Variants in GPD2 observed in about 807,000 individuals in gnomAD.
GPD2 encodes the protein glycerol-3-phosphate dehydrogenase 2, also known as glycerol-3-phosphate dehydrogenase, mitochondrial.
In GPD2, 54 loss-of-function variants were observed where a neutral mutation model predicts 82.4. The ratio of observed to expected loss-of-function variants is 0.66; its 90% CI spans 0.53 to 0.82. The LOEUF is 0.82. Ranked by LOEUF, GPD2 falls within the 40% of genes least tolerant of loss-of-function variation. The pLI, the probability that GPD2 is intolerant of heterozygous loss-of-function variation, is 0.00. For synonymous variants in GPD2, 288 were observed against 306.1 expected (o/e 0.94, Z 0.62); for missense variants, 748 against 896.2 (o/e 0.83, Z 2.11).
intron 9 of GPD2, 81 bp downstream of exon 9, chr2:156,557,663 G>A: frequency 1.2e-6 from 1 of 824,710 alleles, no homozygotes; most frequent in South Asian, 1.4e-5. Context: ...TAAATGCTAT[G>A]TCTCCAGTCT....
At position 156,570,152 on chromosome 2, in the gene GPD2, G is replaced by A. The variant is rs370358716; in HGVS notation, c.1542G>A (p.Val514=). 130 of 1,612,550 alleles carry A rather than the reference G, an allele frequency of 8.1e-5. No homozygotes were observed. Among genetic ancestry groups the A allele is most frequent in the Non-Finnish European group, 1.1e-4 (124 of 1,179,170 alleles). The change falls in exon 12 of 17, where the codon GTG becomes GTA. Residue 514 remains valine, a synonymous_variant. Coordinates refer to ENST00000438166, the MANE Select transcript of GPD2 (RefSeq NM_000408.5). ...KAFEVAKMAS[V]TGKRWPIVGV... is the part of the protein sequence containing the mutation. ...TTGAGGTGGCCAAAATGGCAAGTGT[G>A]ACTGGCAAAAGGTGGCCTATTGTTG...
chr2:156,542,521 C>T lies in GPD2; in HGVS notation c.662-7087C>T, dbSNP rs143008083. Among the ~76,000 whole-genome samples, 199 of 152,192 alleles carry T rather than the reference C, an allele frequency of 1.3e-3. 4 individuals carry two copies. In the East Asian group the frequency reaches 0.033, roughly 25 times the overall value. On this transcript the variant is annotated intron_variant, in intron 6 of 16. Transcript: ENST00000438166. ...TTTTCTGCCAAAATGTACATCAACC[C>T]AGGAAGATTTTTAAACTTAGCCCCT... is the stretch of plus-strand genomic sequence containing the variant.
chr2:156,429,990 C>T, the GPD2 span, among the ~76,000 whole-genome samples: 1 of 152,148 alleles, frequency 6.6e-6, no homozygotes, highest in Non-Finnish European at 1.5e-5. Context: ...TTTTGGTTAA[C>T]TTCTTAGTGT....
intron 6 of GPD2, among the ~76,000 whole-genome samples, chr2:156,543,056 C>T (rs746253614): frequency 2.0e-5 from 3 of 152,124 alleles, no homozygotes; most frequent in African/African-American, 7.2e-5. Flanking sequence ...TGCCACTTAC[C>T]GTCTTAATCA....
In GPD2 at chr2:156,557,460, A is replaced by T. The variant is rs1687003899; in HGVS notation, c.1043A>T (p.Lys348Met). The change falls in exon 9 of 17, where the codon AAG (lysine) becomes ATG (methionine). Residue 348 changes from lysine (K) to methionine (M), a missense_variant. Physicochemically the swap from Lys to Met is moderately conservative, Grantham distance 95. Around this residue, in one of 3 missense-constraint regions of GPD2, gnomAD observed 692 missense variants for 809.7 expected, o/e 0.85. Coordinates refer to ENST00000438166, the MANE Select transcript of GPD2 (RefSeq NM_000408.5). Reference protein sequence around the residue: ...GRVIFFLPWQKMTIAGTTDTP... With the variant: ...GRVIFFLPWQMMTIAGTTDTP... ...GTTATTTTCTTCTTACCCTGGCAAA[A>T]GATGACGATCGCTGGCACTACTGAT... 5 of 1,609,476 alleles carry T rather than the reference A, an allele frequency of 3.1e-6. No individual in the cohort carries two copies. The highest frequency in any genetic ancestry group is 3.4e-6 in the Non-Finnish European group (4 of 1,175,770).
chr2:156,450,929 A>T (rs1405160861), intron 1 of GPD2, among the ~76,000 whole-genome samples: 2 of 131,964 alleles, frequency 1.5e-5, no homozygotes, highest in Non-Finnish European at 3.2e-5. Flanking sequence ...CCCTTAATCC[A>T]TTTAACCCTG....
At chr2:156,405,947 T>A in the GPD2 span, among the ~76,000 whole-genome samples, 1 of 152,106 alleles carries the variant, frequency 6.6e-6, no homozygotes, top group African/African-American at 2.4e-5. Context: ...TGGTGTTAGC[T>A]CATCATAGAA....
At chr2:156,559,733 C>A (rs1687099795) in intron 9 of GPD2, among the ~76,000 whole-genome samples, 1 of 152,114 alleles carries the variant, frequency 6.6e-6, no homozygotes, top group Non-Finnish European at 1.5e-5. Flanking sequence ...AAATACATAT[C>A]ATTGAAATCC....
intron 3 of GPD2, among the ~76,000 whole-genome samples, chr2:156,506,933 C>T (rs1355160622): frequency 6.6e-6 from 1 of 152,164 alleles, no homozygotes; most frequent in Non-Finnish European, 1.5e-5. Context: ...AACAAGCACA[C>T]CCTGGTTCCC....
In GPD2 at chr2:156,568,963, T is replaced by C. The variant is rs552000723; in HGVS notation, c.1300+4T>C. 10 of 1,604,736 alleles carry C rather than the reference T, an allele frequency of 6.2e-6. No individual in the cohort carries two copies. The highest frequency in any genetic ancestry group is 1.7e-4 in the Middle Eastern group (1 of 6,024). ...AGTGGCCTTATTACTATAGCAGGTA[T>C]GAGATACTACCTTGTTATTTTCTTT... On this transcript the variant is annotated splice_donor_region_variant and intron_variant, in intron 10 of 16. Coordinates refer to ENST00000438166, the MANE Select transcript of GPD2 (RefSeq NM_000408.5).
rs977468607 is a variant in GPD2 at position 156,448,104 on chromosome 2, T to A, written c.-9+11591T>A. Among the ~76,000 whole-genome samples the A allele has an allele frequency of 2.0e-5, 3 of 150,352 alleles. No individual in the cohort carries two copies. In the Admixed American group the frequency reaches 2.0e-4, roughly 10 times the overall value. On this transcript the variant is annotated intron_variant, in intron 1 of 16. Coordinates refer to ENST00000438166, the MANE Select transcript of GPD2 (RefSeq NM_000408.5). ...TTAGGTCTATCAATCACCTAATATG[T>A]GTCAGCAATTTTCCCTTTTTTTTTT... is the stretch of plus-strand genomic sequence containing the variant.
chr2:156,523,695 TAGA>T (rs1192384993), intron 6 of GPD2, among the ~76,000 whole-genome samples: 1 of 152,020 alleles, frequency 6.6e-6, no homozygotes, highest in Non-Finnish European at 1.5e-5. Flanking sequence ...GATAGATAGA[TAGA>T]TAGATAGATA....
At position 156,512,332 on chromosome 2, in the gene GPD2, A is replaced by G. The variant is rs376581357; in HGVS notation, c.497+15A>G. The G allele has an allele frequency of 3.7e-5, 44 of 1,179,860 alleles. 1 individual carries two copies. In the African/African-American group the frequency reaches 6.0e-4, roughly 16 times the overall value. 73.1% of individuals were successfully genotyped at this position (1,179,860 alleles called of 1,614,324 possible). A position where few individuals can be genotyped will look rare whatever the true frequency, so the allele number is the denominator to read the frequency against. ...CCAGTTTACAAGTAAGCCTTTTGATATCACCTGTATGCATTTGCTTCTCTG... is the reference window on the plus strand; with the variant it reads ...CCAGTTTACAAGTAAGCCTTTTGATGTCACCTGTATGCATTTGCTTCTCTG... On this transcript the variant is annotated intron_variant, in intron 5 of 16. Transcript: ENST00000438166.
chr2:156,490,735 G>A (rs935120174), intron 2 of GPD2, among the ~76,000 whole-genome samples: 5 of 152,096 alleles, frequency 3.3e-5, no homozygotes, highest in African/African-American at 1.2e-4. Flanking sequence ...CTTAACTTCT[G>A]TATGTCTCAG....
intron 13 of GPD2, 71 bp downstream of exon 13, chr2:156,571,363 G>C (rs887063973): frequency 3.1e-6 from 3 of 956,186 alleles, no homozygotes; most frequent in Non-Finnish European, 3.1e-6. Flanking sequence ...GTTAGTAGAA[G>C]CTAGCGTAGT....
intron 12 of GPD2, 124 bp from the exon 13 acceptor site, chr2:156,571,010 C>A: frequency 1.3e-6 from 1 of 748,862 alleles, no homozygotes; most frequent in Non-Finnish European, 2.4e-6. Flanking sequence ...TGCTGGAGGA[C>A]CAGAGAGTAT....
chr2:156,558,853 T>C (rs1687063247), intron 9 of GPD2, among the ~76,000 whole-genome samples: 1 of 142,836 alleles, frequency 7.0e-6, no homozygotes, highest in African/African-American at 2.6e-5. Context: ...CCTGACCTCA[T>C]GATCCACCGG....
chr2:156,536,799 C>T (rs746851832), intron 6 of GPD2, among the ~76,000 whole-genome samples: 1 of 152,202 alleles, frequency 6.6e-6, no homozygotes, highest in Non-Finnish European at 1.5e-5. Flanking sequence ...CACTCCTCAT[C>T]AGTACGTGGG....
intron 2 of GPD2, among the ~76,000 whole-genome samples, chr2:156,487,961 C>G (rs1443944489): frequency 6.6e-6 from 1 of 152,174 alleles, no homozygotes; most frequent in Non-Finnish European, 1.5e-5. Context: ...TGGATATTTT[C>G]TAATTGCTAT....
Sources: gnomAD v4.1 joint callset for allele counts (sites outside exome capture counted in the v4.1 genomes callset) on GRCh38, gnomAD v4.1.1 for gene constraint, gnomAD v4.1.1 regional missense constraint, MANE v1.5 for transcripts, NCBI Gene and HGNC (gene_info 2026-07-23, HGNC 2026-07-21) for gene names.